Variants in TMPRSS15 observed in about 807,000 individuals in gnomAD.
The protein encoded by TMPRSS15 is enteropeptidase.
A neutral mutation model predicts 125.3 loss-of-function variants in TMPRSS15; 128 were observed. That is an observed-to-expected ratio of 1.02 (90% confidence interval 0.89 to 1.18). TMPRSS15 has a LOEUF of 1.18. TMPRSS15 is among the 50% of genes most tolerant of loss of function. The probability of loss-of-function intolerance (pLI) is 0.00; values close to 1 mark genes in which losing one functional copy is unlikely to be tolerated. For missense variants in TMPRSS15, 1,283 were observed against 1,212.7 expected (o/e 1.06, Z -0.86); for synonymous variants, 446 against 423.2 (o/e 1.05, Z -0.66).
chr21:18,377,726 C>T (rs548799432), intron 5 of TMPRSS15, among the ~76,000 whole-genome samples: 58 of 152,126 alleles, frequency 3.8e-4, no homozygotes, highest in Admixed American at 2.6e-3. Flanking sequence ...AAAGACAGGG[C>T]TAAGTGTACA....
chr21:18,374,606 A>G (rs961406153), intron 5 of TMPRSS15, among the ~76,000 whole-genome samples: 2 of 152,134 alleles, frequency 1.3e-5, no homozygotes, highest in African/African-American at 4.8e-5. Context: ...AGATTCTAGG[A>G]AACCTTTTTA....
intron 3 of TMPRSS15, among the ~76,000 whole-genome samples, chr21:18,393,869 C>T (rs2076010615): frequency 6.6e-6 from 1 of 152,002 alleles, no homozygotes; most frequent in African/African-American, 2.4e-5. Flanking sequence ...CTAAATATAC[C>T]AATACAAATT....
chr21:18,347,435 C>A (rs1023323533), intron 10 of TMPRSS15, among the ~76,000 whole-genome samples: 1 of 152,082 alleles, frequency 6.6e-6, no homozygotes, highest in Non-Finnish European at 1.5e-5. Flanking sequence ...TGGAGTTTCG[C>A]CATGTTAGCC....
chr21:18,305,350 G>A (rs927586644), intron 18 of TMPRSS15, among the ~76,000 whole-genome samples: 4 of 151,810 alleles, frequency 2.6e-5, no homozygotes, highest in African/African-American at 4.8e-5. Context: ...CACCGCGCCC[G>A]GCTAATTTTT....
Position 18,315,254 on chromosome 21 carries a change from G to A in TMPRSS15, c.1924C>T (p.Pro642Ser). 1.2e-6 allele frequency: 2 copies of A among 1,608,372 alleles called. No individual in the cohort carries two copies. Among genetic ancestry groups the A allele is most frequent in the Non-Finnish European group, 1.7e-6 (2 of 1,175,610 alleles). Residue 642 changes from proline to serine, a missense_variant and splice_region_variant, in exon 17 of 25, where the codon CCA becomes TCA. Pro to Ser is a moderately conservative substitution (Grantham distance 74). Transcript: ENST00000284885. ...TTGYHLGIPE[P>S]CKADHFQCKN... ...CATTGAAAATGGTCTGCCTTGCATG[G>A]CTCTATGGGGAAAGAATGTTTATTG...
chr21:18,476,863 C>T (rs2824844), intron 1 of TMPRSS15, among the ~76,000 whole-genome samples: 12,677 of 151,578 alleles, frequency 0.084, 639 homozygotes, highest in Non-Finnish European at 0.11. Context: ...AGTCTCAGGG[C>T]TGGTCAGTGC....
chr21:18,273,759 T>TAAAA (rs1176051342), intron 24 of TMPRSS15, among the ~76,000 whole-genome samples: 1 of 152,146 alleles, frequency 6.6e-6, no homozygotes, highest in African/African-American at 2.4e-5. Flanking sequence ...CTTTTCATTT[T>TAAAA]AAAAAAGAAG....
intron 4 of TMPRSS15, 93 bp from the exon 5 acceptor site, chr21:18,379,411 A>G (rs2075872246): frequency 9.4e-6 from 5 of 531,400 alleles, no homozygotes; most frequent in Non-Finnish European, 1.2e-5. Flanking sequence ...TAATTAACCT[A>G]AGAATTTTAA....
chr21:18,457,088 A>G (rs1978456009), intron 1 of TMPRSS15, among the ~76,000 whole-genome samples: 1 of 152,136 alleles, frequency 6.6e-6, no homozygotes, highest in East Asian at 1.9e-4. Flanking sequence ...TACTTGACCT[A>G]TCTAAGCCTC....
chr21:18,332,013 G>T, intron 14 of TMPRSS15, 71 bp downstream of exon 14: 1 of 1,316,918 alleles, frequency 7.6e-7, no homozygotes, highest in East Asian at 2.3e-5. Flanking sequence ...AATCTACTTT[G>T]CTGCGTCAAG....
At chr21:18,275,148 A>T (rs1201916257) in intron 24 of TMPRSS15, 49 bp downstream of exon 24, 7 of 1,601,450 alleles carry the variant, frequency 4.4e-6, no homozygotes, top group Non-Finnish European at 6.0e-6. Flanking sequence ...AAATAACTAT[A>T]ACACCAGTGC....
chr21:18,348,257 TA>T (rs1369036968), intron 10 of TMPRSS15, among the ~76,000 whole-genome samples: 1 of 152,178 alleles, frequency 6.6e-6, no homozygotes, highest in Non-Finnish European at 1.5e-5. Flanking sequence ...TTTTTTGAAC[TA>T]TTAGGTTTTT....
At chr21:18,383,862 AT>A in intron 3 of TMPRSS15, 84 bp from the exon 4 acceptor site, 1 of 1,473,348 alleles carries the variant, frequency 6.8e-7, no homozygotes, top group Non-Finnish European at 9.3e-7. Flanking sequence ...TGTCTTTGAA[AT>A]TCTCTATAGT....
chr21:18,282,910 T>TG (rs528292005), intron 21 of TMPRSS15, among the ~76,000 whole-genome samples: 231 of 152,150 alleles, frequency 1.5e-3, no homozygotes, highest in African/African-American at 5.3e-3. Flanking sequence ...ACTGGAGATG[T>TG]GGGGGGCAAG....
intron 21 of TMPRSS15, among the ~76,000 whole-genome samples, chr21:18,285,101 A>C (rs1458795141): frequency 1.3e-5 from 2 of 152,202 alleles, no homozygotes; most frequent in Non-Finnish European, 2.9e-5. Context: ...CAAGAGAAAG[A>C]GAAGCACAGC....
intron 1 of TMPRSS15, among the ~76,000 whole-genome samples, chr21:18,432,748 G>T (rs993377384): frequency 6.6e-6 from 1 of 152,138 alleles, no homozygotes; most frequent in Non-Finnish European, 1.5e-5. Flanking sequence ...TCAAGGACAA[G>T]GAGATAAGAA....
chr21:18,482,542 A>G (rs1351125462), intron 1 of TMPRSS15, among the ~76,000 whole-genome samples: 2 of 151,650 alleles, frequency 1.3e-5, no homozygotes, highest in Non-Finnish European at 3.0e-5. Context: ...TACCACATGC[A>G]CCCCATAAAT....
At chr21:18,308,439 T>G (rs1397585675) in intron 18 of TMPRSS15, among the ~76,000 whole-genome samples, 4 of 151,666 alleles carry the variant, frequency 2.6e-5, no homozygotes, top group Non-Finnish European at 4.4e-5. Flanking sequence ...CTAATATGCA[T>G]AAACCAAATC....
intron 16 of TMPRSS15, among the ~76,000 whole-genome samples, chr21:18,321,804 T>C (rs1403605454): frequency 6.6e-6 from 1 of 152,172 alleles, no homozygotes; most frequent in Non-Finnish European, 1.5e-5. Context: ...AGTCTTTGGG[T>C]ATAAAAAATC....
Sources: allele counts gnomAD v4.1 joint callset (sites outside exome capture counted in the v4.1 genomes callset), GRCh38; gene constraint gnomAD v4.1.1; transcripts MANE v1.5; gene names NCBI Gene and HGNC (gene_info 2026-07-23, HGNC 2026-07-21).